Variants in ELP4 observed in about 807,000 individuals in gnomAD.
ELP4 encodes elongator acetyltransferase complex subunit 4.
Under a neutral mutation model 48.9 loss-of-function variants are expected in ELP4, and 51 were observed. The ratio of observed to expected loss-of-function variants is 1.04; its 90% confidence interval spans 0.83 to 1.32. The LOEUF (loss-of-function observed/expected upper bound fraction) is 1.32, where lower values mean the gene tolerates loss of function less well. Ranked by LOEUF, ELP4 falls within the 40% of genes most tolerant of loss-of-function variation. ELP4 has a pLI of 0.00. For missense variants in ELP4, 519 were observed against 514.6 expected, an observed-to-expected ratio of 1.01 and a Z score of -0.08; for synonymous variants, 210 against 189.2, an observed-to-expected ratio of 1.11 and a Z score of -0.90.
chr11:31,773,222 A>G (rs1421427619), intron 9 of ELP4, among the ~76,000 whole-genome samples: 1 of 152,208 alleles, frequency 6.6e-6, no homozygotes, highest in Non-Finnish European at 1.5e-5. Flanking sequence ...CTTTGGTTCC[A>G]CATGCAAGTA....
At chr11:31,566,489 T>A (rs1321334048) in intron 3 of ELP4, among the ~76,000 whole-genome samples, 1 of 152,246 alleles carries the variant, frequency 6.6e-6, no homozygotes, top group Non-Finnish European at 1.5e-5. Context: ...TTCAAATTTT[T>A]GGCTAAAAGA....
intron 9 of ELP4, among the ~76,000 whole-genome samples, chr11:31,691,125 G>A (rs1946271019): frequency 6.6e-6 from 1 of 151,880 alleles, no homozygotes; most frequent in Non-Finnish European, 1.5e-5. Flanking sequence ...ATTTAAACAT[G>A]ACTAAAGATG....
intron 3 of ELP4, among the ~76,000 whole-genome samples, chr11:31,579,413 G>C (rs1159833975): frequency 6.6e-6 from 1 of 152,138 alleles, no homozygotes; most frequent in African/African-American, 2.4e-5. Flanking sequence ...AATACCATTA[G>C]ACCCAGCCAT....
chr11:31,752,650 C>T (rs1251217366), intron 9 of ELP4, among the ~76,000 whole-genome samples: 6 of 151,826 alleles, frequency 4.0e-5, no homozygotes, highest in African/African-American at 1.2e-4. Flanking sequence ...CTGGCTAACA[C>T]GGTGAAACCC....
At position 31,647,785 on chromosome 11, in the gene ELP4, A is replaced by T. The variant is rs1438222979; in HGVS notation, c.972A>T (p.Val324=). Reference sequence around the variant, plus strand: ...GTGTCACAACCTTGTCAGATGTAGTAGTTGGTCTGGAATCATTTATTGGTT... The same window carrying T: ...GTGTCACAACCTTGTCAGATGTAGTTGTTGGTCTGGAATCATTTATTGGTT... ...IARVTTLSDV[V]VGLESFIGSE... The change falls in exon 8 of 10, where the codon GTA becomes GTT. Residue 324 remains valine, a synonymous_variant. Coordinates refer to ENST00000640961, the MANE Select transcript of ELP4 (RefSeq NM_019040.5). The T allele has an allele frequency of 2.7e-5, 44 of 1,609,742 alleles. No individual in the cohort carries two copies. Among genetic ancestry groups the T allele is most frequent in the Non-Finnish European group, 3.7e-5 (43 of 1,177,016 alleles).
At chr11:31,710,091 C>G (rs941724288) in intron 9 of ELP4, among the ~76,000 whole-genome samples, 22 of 152,118 alleles carry the variant, frequency 1.4e-4, no homozygotes, top group African/African-American at 5.3e-4. Flanking sequence ...TTCTCTTATT[C>G]ATTCTTTGCA....
chr11:31,767,677 T>C (rs188924335), intron 9 of ELP4: 2 of 152,342 alleles, frequency 1.3e-5, no homozygotes, highest in East Asian at 3.9e-4. Flanking sequence ...TTTTTCTTGC[T>C]TTATTTGCAT....
At chr11:31,765,147 A>G (rs1338375257) in intron 9 of ELP4, among the ~76,000 whole-genome samples, 1 of 152,218 alleles carries the variant, frequency 6.6e-6, no homozygotes, top group Non-Finnish European at 1.5e-5. Context: ...ATCACCATGA[A>G]AAACTGTTTA....
intron 9 of ELP4, among the ~76,000 whole-genome samples, chr11:31,707,622 A>G (rs1044497776): frequency 1.3e-5 from 2 of 152,152 alleles, no homozygotes; most frequent in African/African-American, 4.8e-5. Flanking sequence ...TGTTACTGCT[A>G]TAAAAAATCA....
chr11:31,753,362 A>G (rs990825278), intron 9 of ELP4, among the ~76,000 whole-genome samples: 1 of 152,212 alleles, frequency 6.6e-6, no homozygotes, highest in African/African-American at 2.4e-5. Flanking sequence ...GGATTCACCC[A>G]GCAAACTACC....
At chr11:31,732,824 A>G (rs554553472) in intron 9 of ELP4, among the ~76,000 whole-genome samples, 55 of 152,334 alleles carry the variant, frequency 3.6e-4, no homozygotes, top group Admixed American at 3.5e-3. Context: ...AAAGAAGGAC[A>G]TTACGTAATG....
chr11:31,605,310 G>T (rs1044011286), intron 5 of ELP4, among the ~76,000 whole-genome samples: 40 of 152,046 alleles, frequency 2.6e-4, no homozygotes, highest in Non-Finnish European at 1.0e-4. Flanking sequence ...AATACCACCT[G>T]CCTTACTAGC....
intron 3 of ELP4, among the ~76,000 whole-genome samples, chr11:31,593,340 C>A (rs1252303957): frequency 6.6e-6 from 1 of 152,002 alleles, no homozygotes; most frequent in Non-Finnish European, 1.5e-5. Context: ...TTAGCCTCAA[C>A]CTCCTGGGCT....
intron 3 of ELP4, among the ~76,000 whole-genome samples, chr11:31,570,437 A>G (rs1194693793): frequency 6.7e-6 from 1 of 150,206 alleles, no homozygotes; most frequent in Admixed American, 6.6e-5. Flanking sequence ...TTTCAATTGT[A>G]CTTCAGACCC....
intron 9 of ELP4, among the ~76,000 whole-genome samples, chr11:31,686,594 C>G (rs1946166918): frequency 6.6e-6 from 1 of 152,058 alleles, no homozygotes; most frequent in South Asian, 2.1e-4. Context: ...AGAAGTATCA[C>G]TCTGGGCCTG....
At chr11:31,584,638 C>T (rs1333669285) in intron 3 of ELP4, among the ~76,000 whole-genome samples, 1 of 152,066 alleles carries the variant, frequency 6.6e-6, no homozygotes, top group Non-Finnish European at 1.5e-5. Flanking sequence ...AGCGATTCTC[C>T]TGCCTCAGCT....
At chr11:31,520,230 A>G in intron 2 of ELP4, 139 bp downstream of exon 2, 1 of 672,316 alleles carries the variant, frequency 1.5e-6, no homozygotes. Flanking sequence ...GAATTGACTT[A>G]AGTTCTATTT....
intron 5 of ELP4, among the ~76,000 whole-genome samples, chr11:31,625,465 C>A (rs1294570847): frequency 1.3e-5 from 2 of 151,756 alleles, no homozygotes; most frequent in Non-Finnish European, 2.9e-5. Flanking sequence ...ACACAATGAA[C>A]TTTTAACCTT....
intron 3 of ELP4, among the ~76,000 whole-genome samples, chr11:31,579,743 C>T (rs1957355135): frequency 7.2e-6 from 1 of 138,182 alleles, no homozygotes; most frequent in African/African-American, 2.8e-5. Flanking sequence ...AGTGAGAACA[C>T]TTGGACACAG....
Sources: gnomAD v4.1 joint callset for allele counts (sites outside exome capture counted in the v4.1 genomes callset) on GRCh38, gnomAD v4.1.1 for gene constraint, MANE v1.5 for transcripts, NCBI Gene and HGNC (gene_info 2026-07-23, HGNC 2026-07-21) for gene names.